The following EIF1AY variants were observed in gnomAD, a reference collection of about 807,000 sequenced individuals.
The protein encoded by EIF1AY is eukaryotic translation initiation factor 1A Y-linked, also known as eukaryotic translation initiation factor 1A, Y-chromosomal.
For synonymous variants in EIF1AY, 16 were observed against 9.9 expected (o/e 1.62, Z -1.16); for missense variants, 19 against 30.6 (o/e 0.62, Z 0.89).
chrY:20,591,299 C>T, intron 6 of EIF1AY, among the ~76,000 whole-genome samples: 2 of 32,661 alleles, frequency 6.1e-5, no homozygotes, highest in African/African-American at 1.2e-4. Context: ...TGGGGCACAG[C>T]TTGGTTTACT....
Position 20,592,331 on chromosome Y carries a change from T to G in EIF1AY, c.430-10T>G. The G allele has an allele frequency of 2.7e-6, 1 of 371,563 alleles. No individual in the cohort carries two copies. Among genetic ancestry groups the G allele is most frequent in the Non-Finnish European group, 3.8e-6 (1 of 265,648 alleles). 92.7% of individuals were successfully genotyped at this position (371,563 alleles called of 400,897 possible). A position where few individuals can be genotyped will look rare whatever the true frequency, so the allele number is the denominator to read the frequency against. On this transcript the variant is annotated splice_polypyrimidine_tract_variant and intron_variant, in intron 6 of 6. Coordinates refer to ENST00000361365, the MANE Select transcript of EIF1AY (RefSeq NM_004681.4). ...TTTTTCTATGGATCTGATGTTCTTT[T>G]CAATTACAGATCTAAATTGAACCAA...
chrY:20,582,758 G>A, intron 3 of EIF1AY, 65 bp downstream of exon 3: 1 of 182,641 alleles, frequency 5.5e-6, no homozygotes, highest in East Asian at 1.2e-4. Context: ...TTAAATACAT[G>A]GTCCAAGCAA....
At chrY:20,581,121 CAT>C (rs2089350334) in intron 2 of EIF1AY, among the ~76,000 whole-genome samples, 1 of 33,978 alleles carries the variant, frequency 2.9e-5, no homozygotes, top group African/African-American at 1.1e-4. Context: ...TTATATGAAA[CAT>C]ATTTTCTGGC....
chrY:20,584,052 T>C (rs756914616), intron 3 of EIF1AY, among the ~76,000 whole-genome samples: 48 of 32,776 alleles, frequency 1.5e-3, no homozygotes, highest in Non-Finnish European at 2.2e-3. Context: ...TATTTCAGGG[T>C]TTTTTTCTAA....
chrY:20,587,636 T>C (rs2089355707), intron 4 of EIF1AY: 1 of 36,720 alleles, frequency 2.7e-5, no homozygotes, highest in Admixed American at 2.5e-4. Flanking sequence ...ACTCCATTTT[T>C]AGTTTTGAAT....
intron 4 of EIF1AY, 99 bp downstream of exon 4, chrY:20,584,623 G>A: frequency 8.7e-6 from 1 of 115,211 alleles, no homozygotes. Context: ...TCCAGCCCAG[G>A]TTGCTTTCTC....
At chrY:20,583,037 G>A in intron 3 of EIF1AY, among the ~76,000 whole-genome samples, 4 of 33,350 alleles carry the variant, frequency 1.2e-4, no homozygotes, top group African/African-American at 4.7e-4. Flanking sequence ...GCTTAAAAGA[G>A]ATTGATCGGT....
chrY:20,589,423 G>A, intron 5 of EIF1AY, 61 bp from the exon 6 acceptor site: 1 of 321,397 alleles, frequency 3.1e-6, no homozygotes, highest in Non-Finnish European at 4.6e-6. Context: ...GCCTACCATG[G>A]CCTCCCAAAT....
At chrY:20,587,950 T>C in intron 4 of EIF1AY, 74 bp from the exon 5 acceptor site, 1 of 226,785 alleles carries the variant, frequency 4.4e-6, no homozygotes, top group Non-Finnish European at 7.3e-6. Context: ...TGTGTTCAAT[T>C]TGAAAGTAAC....
chrY:20,584,094 G>A, intron 3 of EIF1AY, among the ~76,000 whole-genome samples: 2 of 32,072 alleles, frequency 6.2e-5, no homozygotes, highest in African/African-American at 1.2e-4. Flanking sequence ...AGGGTCTCAC[G>A]CTGTTGTGTA....
In EIF1AY at chrY:20,575,841, G is replaced by A. The variant is rs1473093795; in HGVS notation, c.-31G>A. 7.8e-6 allele frequency: 3 copies of A among 384,321 alleles called. No homozygotes were observed. The South Asian group carries it at 9.5e-5, about 12-fold the overall frequency. The stretch of plus-strand genomic sequence containing the variant: ...AGTAGTAACCGCCAGAAAGGAGTCG[G>A]AAGAGGTCTCACGAGGCTGTCATCA... On this transcript the variant is annotated 5_prime_UTR_variant, in exon 1 of 7. Coordinates refer to ENST00000361365, the MANE Select transcript of EIF1AY (RefSeq NM_004681.4).
chrY:20,591,437 C>T, intron 6 of EIF1AY, among the ~76,000 whole-genome samples: 1 of 33,396 alleles, frequency 3.0e-5, no homozygotes, highest in Admixed American at 2.8e-4. Flanking sequence ...ACTCAATGAG[C>T]GAAAGGATAA....
intron 4 of EIF1AY, among the ~76,000 whole-genome samples, chrY:20,586,164 G>A (rs1603578968): frequency 3.1e-5 from 1 of 32,695 alleles, no homozygotes; most frequent in Non-Finnish European, 7.5e-5. Flanking sequence ...TAATATTAGG[G>A]CTTTCCTATG....
intron 4 of EIF1AY, among the ~76,000 whole-genome samples, chrY:20,585,644 T>G: frequency 3.0e-5 from 1 of 33,551 alleles, no homozygotes. Flanking sequence ...TCTTGAGAAT[T>G]TCTACTTTTT....
chrY:20,576,925 T>C, intron 1 of EIF1AY, among the ~76,000 whole-genome samples: 2 of 33,846 alleles, frequency 5.9e-5, no homozygotes, highest in Non-Finnish European at 1.5e-4. Context: ...TAAGGTTTTA[T>C]TTTATTTTAT....
intron 1 of EIF1AY, among the ~76,000 whole-genome samples, chrY:20,578,493 A>C: frequency 3.0e-5 from 1 of 33,667 alleles, no homozygotes; most frequent in South Asian, 6.4e-4. Context: ...AGGCACGATT[A>C]ATTGCTCGAA....
At chrY:20,578,979 T>C (rs2124356642) in intron 1 of EIF1AY, among the ~76,000 whole-genome samples, 1 of 33,655 alleles carries the variant, frequency 3.0e-5, no homozygotes, top group South Asian at 6.4e-4. Flanking sequence ...TCTAAGGAAG[T>C]GTGTATGTAA....
chrY:20,575,921 C>T, intron 1 of EIF1AY, 34 bp downstream of exon 1: 1 of 374,392 alleles, frequency 2.7e-6, no homozygotes, highest in South Asian at 3.2e-5. Context: ...TATACCTCGG[C>T]TTGCTCTGCC....
intron 3 of EIF1AY, among the ~76,000 whole-genome samples, chrY:20,583,600 A>G: frequency 3.0e-5 from 1 of 33,287 alleles, no homozygotes; most frequent in Non-Finnish European, 7.4e-5. Flanking sequence ...TAGTCCACAC[A>G]TAGTGGAAGG....
Sources: gnomAD v4.1 joint callset for allele counts (sites outside exome capture counted in the v4.1 genomes callset) on GRCh38, gnomAD v4.1.1 for gene constraint, MANE v1.5 for transcripts, NCBI Gene and HGNC (gene_info 2026-07-23, HGNC 2026-07-21) for gene names.